CNTNAP2: variants seen among roughly 807,000 people sequenced by gnomAD.
CNTNAP2 encodes contactin-associated protein-like 2.
CNTNAP2 carries 98 observed loss-of-function variants against 155.2 expected under a neutral mutation model. That is an observed-to-expected ratio of 0.63 (90% CI 0.54 to 0.75). CNTNAP2 has a LOEUF of 0.75. Among genes scored for constraint, CNTNAP2 ranks in the 30% least tolerant of loss-of-function variants. The pLI is 0.00. For synonymous variants in CNTNAP2, 651 were observed against 631.2 expected, an observed-to-expected ratio of 1.03 and a Z score of -0.47; for missense variants, 1,727 against 1,688.1, an observed-to-expected ratio of 1.02 and a Z score of -0.40.
At position 147,736,766 on chromosome 7, in the gene CNTNAP2, T is replaced by C. The variant is rs1480859029; in HGVS notation, c.2098+97460T>C. Among the ~76,000 whole-genome samples, 3 of 152,220 alleles carry C rather than the reference T, an allele frequency of 2.0e-5. No individual in the cohort carries two copies. The East Asian group carries it at 5.8e-4, about 29-fold the overall frequency. On this transcript the variant is annotated intron_variant, in intron 13 of 23. Coordinates refer to ENST00000361727, the MANE Select transcript of CNTNAP2 (RefSeq NM_014141.6). ...AAACTTCTCTTCTTGCTTCATTTCA[T>C]TCATTTGATCTTCAGTCACTGATAC...
intron 15 of CNTNAP2, among the ~76,000 whole-genome samples, chr7:148,077,888 G>A (rs1267266917): frequency 2.6e-5 from 4 of 152,036 alleles, no homozygotes; most frequent in Non-Finnish European, 5.9e-5. Flanking sequence ...GATTTATTCT[G>A]TTCTTGTTTT....
intron 13 of CNTNAP2, among the ~76,000 whole-genome samples, chr7:147,693,115 T>A (rs1033055625): frequency 6.6e-6 from 1 of 152,090 alleles, no homozygotes; most frequent in Non-Finnish European, 1.5e-5. Context: ...AAGAAAACTA[T>A]CTTTTCTTCA....
intron 1 of CNTNAP2, among the ~76,000 whole-genome samples, chr7:146,683,976 C>T (rs1387764186): frequency 1.3e-5 from 2 of 152,136 alleles, no homozygotes; most frequent in Admixed American, 6.5e-5. Context: ...AGGGAATTTT[C>T]CCAAGATCTG....
At chr7:146,151,663 T>TATATATAC (rs1798046647) in intron 1 of CNTNAP2, among the ~76,000 whole-genome samples, 1 of 44,000 alleles carries the variant, frequency 2.3e-5, no homozygotes, top group African/African-American at 9.3e-5. Flanking sequence ...TATATATATA[T>TATATATAC]ATATATATAT....
rs539290265 is a variant in CNTNAP2, at chr7:147,946,800, C to G, written c.2256-31062C>G. On this transcript the variant is annotated intron_variant, in intron 14 of 23. Transcript: ENST00000361727. ...CTGTAGAGGCAAATGGGAAGCTCCC[C>G]CTTCACCCTCTAAAGGTTAGCTGAA... 4.6e-5 allele frequency among the ~76,000 whole-genome samples: 7 copies of G among 152,150 alleles called. No individual in the cohort carries two copies. In the South Asian group the frequency reaches 1.3e-3, roughly 27 times the overall value.
intron 11 of CNTNAP2, among the ~76,000 whole-genome samples, chr7:147,534,420 T>A (rs1209368836): frequency 6.6e-6 from 1 of 152,134 alleles, no homozygotes; most frequent in Non-Finnish European, 1.5e-5. Flanking sequence ...AGAGCTCAAT[T>A]TCCTCTGCCC....
Position 147,659,080 on chromosome 7 carries a change from TATATTATG to T in CNTNAP2, c.2098+19775_2098+19782del, listed in dbSNP as rs139749314. On this transcript the variant is annotated intron_variant, in intron 13 of 23. Transcript: ENST00000361727. ...TCTGTGGCAAAAAGTTTTTTAACAC[TATATTATG>T]GCACACAGATAACTGAATTTCCTTT... is the stretch of plus-strand genomic sequence containing the variant. 6.0e-3 allele frequency among the ~76,000 whole-genome samples: 916 copies of T among 152,328 alleles called. 7 individuals are homozygous for T. The highest frequency in any genetic ancestry group is 0.021 in the African/African-American group (874 of 41,564).
intron 18 of CNTNAP2, among the ~76,000 whole-genome samples, chr7:148,194,611 A>G (rs1795247131): frequency 1.3e-5 from 2 of 152,152 alleles, no homozygotes; most frequent in Admixed American, 1.3e-4. Flanking sequence ...AGGAAAGCCC[A>G]TGGTGTAATT....
At chr7:147,159,753 A>G (rs543250045) in intron 8 of CNTNAP2, among the ~76,000 whole-genome samples, 3 of 152,218 alleles carry the variant, frequency 2.0e-5, no homozygotes, top group Admixed American at 1.3e-4. Context: ...TATCTAATAG[A>G]CTGTCATCAT....
rs550587363 is a variant in CNTNAP2, at chr7:147,775,617, A to G, written c.2099-127948A>G. Among the ~76,000 whole-genome samples, 8 of 151,488 alleles carry G rather than the reference A, an allele frequency of 5.3e-5. No individual in the cohort carries two copies. The South Asian group carries it at 1.7e-3, about 31-fold the overall frequency. On this transcript the variant is annotated intron_variant, in intron 13 of 23. Coordinates refer to ENST00000361727, the MANE Select transcript of CNTNAP2 (RefSeq NM_014141.6). Reference sequence around the variant, plus strand: ...GTCAAAAAGAGTCCCTTGACTTTTCAGAGCCCTGCTTCCTGGACTTGTTTG... The same window carrying G: ...GTCAAAAAGAGTCCCTTGACTTTTCGGAGCCCTGCTTCCTGGACTTGTTTG...
intron 11 of CNTNAP2, among the ~76,000 whole-genome samples, chr7:147,510,792 C>T (rs1799002261): frequency 2.1e-5 from 3 of 140,422 alleles, no homozygotes; most frequent in Admixed American, 1.5e-4. Flanking sequence ...TTTATTACAA[C>T]ACTCAATTTC....
chr7:146,828,996 A>T (rs1300726481), intron 2 of CNTNAP2, among the ~76,000 whole-genome samples: 1 of 152,052 alleles, frequency 6.6e-6, no homozygotes, highest in Non-Finnish European at 1.5e-5. Flanking sequence ...ACGTAGTTGT[A>T]AGCAACTGTT....
chr7:147,724,340 GAATTA>G (rs1321235283), intron 13 of CNTNAP2, among the ~76,000 whole-genome samples: 14 of 152,020 alleles, frequency 9.2e-5, no homozygotes, highest in Non-Finnish European at 1.5e-4. Flanking sequence ...TCCTGAGCCG[GAATTA>G]AATGAAATGA....
chr7:146,348,518 A>G (rs909646563), intron 1 of CNTNAP2, among the ~76,000 whole-genome samples: 1 of 152,190 alleles, frequency 6.6e-6, no homozygotes, highest in Non-Finnish European at 1.5e-5. Flanking sequence ...AGGATTCTAA[A>G]TAGTCCCCAA....
chr7:146,583,400 C>T (rs1156945655), intron 1 of CNTNAP2, among the ~76,000 whole-genome samples: 1 of 151,980 alleles, frequency 6.6e-6, no homozygotes, highest in Non-Finnish European at 1.5e-5. Flanking sequence ...TGAGGGAAAA[C>T]CTGAGATGTC....
intron 1 of CNTNAP2, among the ~76,000 whole-genome samples, chr7:146,661,499 C>T (rs1585029964): frequency 6.6e-6 from 1 of 152,182 alleles, no homozygotes; most frequent in South Asian, 2.1e-4. Flanking sequence ...TGGACCTTTT[C>T]TAGAATGTCA....
At chr7:146,755,531 T>A (rs986294328) in intron 1 of CNTNAP2, among the ~76,000 whole-genome samples, 9 of 152,034 alleles carry the variant, frequency 5.9e-5, no homozygotes, top group Non-Finnish European at 1.0e-4. Flanking sequence ...CCAGGATAAC[T>A]TGTCAAGTGC....
At chr7:147,978,409 A>G (rs1349152535) in intron 15 of CNTNAP2, among the ~76,000 whole-genome samples, 2 of 152,032 alleles carry the variant, frequency 1.3e-5, no homozygotes, top group Non-Finnish European at 2.9e-5. Context: ...ATCATTGTAA[A>G]CTTGGATTAT....
chr7:147,429,875 T>A (rs1253179711), intron 10 of CNTNAP2, among the ~76,000 whole-genome samples: 1 of 152,150 alleles, frequency 6.6e-6, no homozygotes, highest in Non-Finnish European at 1.5e-5. Flanking sequence ...GCTGTAAATA[T>A]TTGGCTTTTT....
Sources: gnomAD v4.1 joint callset for allele counts (sites outside exome capture counted in the v4.1 genomes callset) on GRCh38, gnomAD v4.1.1 for gene constraint, MANE v1.5 for transcripts, NCBI Gene and HGNC (gene_info 2026-07-23, HGNC 2026-07-21) for gene names.